Variants in SNTG1 observed in about 807,000 individuals in gnomAD.
SNTG1 encodes the protein gamma-1-syntrophin.
SNTG1 carries 39 observed loss-of-function variants against 74.7 expected under a neutral mutation model. The observed-to-expected ratio is 0.52, with a 90% CI of 0.40 to 0.68. SNTG1 has a LOEUF of 0.68. Ranked by LOEUF, SNTG1 falls within the 30% of genes least tolerant of loss-of-function variation. The pLI, the probability that SNTG1 is intolerant of heterozygous loss-of-function variation, is 0.00. For missense variants in SNTG1, 685 were observed against 609.5 expected (o/e 1.12, Z -1.30); for synonymous variants, 254 against 217.1 (o/e 1.17, Z -1.49).
rs190181479 is a variant in SNTG1, at chr8:50,490,156, C to T, written c.364-12622C>T. 9.9e-5 allele frequency among the ~76,000 whole-genome samples: 15 copies of T among 152,272 alleles called. No homozygotes were observed. In the East Asian group the frequency reaches 2.9e-3, roughly 29 times the overall value. ...TTTCTGTTTTGGTACTACTACTATG[C>T]TGTTTTGGTTACTGTAGCCTTGTAC... On this transcript the variant is annotated intron_variant, in intron 8 of 18. Transcript: ENST00000642720.
intron 1 of SNTG1, among the ~76,000 whole-genome samples, chr8:49,981,102 T>C (rs192454999): frequency 6.6e-6 from 1 of 152,144 alleles, no homozygotes; most frequent in African/African-American, 2.4e-5. Flanking sequence ...CTGATAAACA[T>C]TGAATTGAAT....
chr8:50,452,964 T>C (rs1310746633), intron 8 of SNTG1, among the ~76,000 whole-genome samples: 1 of 152,210 alleles, frequency 6.6e-6, no homozygotes, highest in Non-Finnish European at 1.5e-5. Context: ...CCACATTTCT[T>C]ATTCCAAATA....
chr8:49,918,516 CAG>C (rs1349908844), intron 1 of SNTG1, among the ~76,000 whole-genome samples: 3 of 152,124 alleles, frequency 2.0e-5, no homozygotes, highest in Non-Finnish European at 4.4e-5. Flanking sequence ...TGTGTAAAAA[CAG>C]ATAATTTCTT....
chr8:50,635,601 C>G (rs2095034064), intron 13 of SNTG1, among the ~76,000 whole-genome samples: 1 of 152,268 alleles, frequency 6.6e-6, no homozygotes, highest in African/African-American at 2.4e-5. Flanking sequence ...TGCTTCCAGG[C>G]AATTGCCGAT....
chr8:50,216,268 A>G (rs1563752990), intron 2 of SNTG1, among the ~76,000 whole-genome samples: 1 of 152,056 alleles, frequency 6.6e-6, no homozygotes, highest in East Asian at 1.9e-4. Flanking sequence ...TTTTAGTTTT[A>G]CCTTCCCTCT....
chr8:50,275,063 C>T (rs897735515), intron 2 of SNTG1, among the ~76,000 whole-genome samples: 5 of 151,938 alleles, frequency 3.3e-5, no homozygotes, highest in Non-Finnish European at 1.5e-5. Context: ...TTTGGCATTA[C>T]GGTAATGCTG....
intron 4 of SNTG1, among the ~76,000 whole-genome samples, chr8:50,419,284 A>C (rs758418569): frequency 1.2e-4 from 18 of 152,124 alleles, no homozygotes; most frequent in Non-Finnish European, 1.6e-4. Context: ...CACACACACA[A>C]AAGTGCCCTC....
At chr8:50,711,168 A>G (rs1376831667) in intron 17 of SNTG1, among the ~76,000 whole-genome samples, 1 of 152,228 alleles carries the variant, frequency 6.6e-6, no homozygotes, top group Non-Finnish European at 1.5e-5. Flanking sequence ...ATTTTTAAAT[A>G]TGATAAAAAG....
At chr8:50,702,782 G>A (rs1264829285) in intron 15 of SNTG1, among the ~76,000 whole-genome samples, 3 of 152,154 alleles carry the variant, frequency 2.0e-5, no homozygotes, top group Admixed American at 1.3e-4. Context: ...GCACAGCGAG[G>A]TTATACAGTA....
chr8:50,002,554 G>T (rs1246739487), intron 1 of SNTG1, among the ~76,000 whole-genome samples: 1 of 151,952 alleles, frequency 6.6e-6, no homozygotes, highest in Non-Finnish European at 1.5e-5. Flanking sequence ...ATTTTAGAAA[G>T]AAATATAAAA....
At chr8:50,284,144 C>A (rs1042681431) in intron 2 of SNTG1, among the ~76,000 whole-genome samples, 3 of 151,834 alleles carry the variant, frequency 2.0e-5, no homozygotes, top group Non-Finnish European at 4.4e-5. Context: ...GAATACTGAC[C>A]AGGAATTTTG....
chr8:50,602,235 A>G (rs940843466), intron 13 of SNTG1, among the ~76,000 whole-genome samples: 1 of 150,202 alleles, frequency 6.7e-6, no homozygotes, highest in Non-Finnish European at 1.5e-5. Flanking sequence ...ACATGATTTT[A>G]TCTGGTGGTA....
intron 2 of SNTG1, among the ~76,000 whole-genome samples, chr8:50,370,260 C>T (rs1707976843): frequency 6.6e-6 from 1 of 152,116 alleles, no homozygotes; most frequent in Non-Finnish European, 1.5e-5. Context: ...AGCCATAAGG[C>T]TGAGATTGTT....
chr8:50,068,069 A>T (rs976232378), intron 1 of SNTG1, among the ~76,000 whole-genome samples: 1 of 152,222 alleles, frequency 6.6e-6, no homozygotes, highest in Non-Finnish European at 1.5e-5. Flanking sequence ...AGGGTCTCCT[A>T]TGAAGAAAAG....
At chr8:50,786,778 C>T (rs751345372) in intron 18 of SNTG1, among the ~76,000 whole-genome samples, 3 of 151,914 alleles carry the variant, frequency 2.0e-5, no homozygotes, top group Non-Finnish European at 4.4e-5. Context: ...CTGGGAAAAC[C>T]GGTTATTGAA....
chr8:50,287,820 A>G (rs1469114263), intron 2 of SNTG1, among the ~76,000 whole-genome samples: 1 of 152,078 alleles, frequency 6.6e-6, no homozygotes, highest in Non-Finnish European at 1.5e-5. Flanking sequence ...AACATTCCAT[A>G]CCATGTTTTA....
At chr8:50,629,458 C>G (rs749434500) in intron 13 of SNTG1, among the ~76,000 whole-genome samples, 1 of 151,958 alleles carries the variant, frequency 6.6e-6, no homozygotes, top group Non-Finnish European at 1.5e-5. Flanking sequence ...TAGGATAATT[C>G]TCTGAAACAG....
intron 15 of SNTG1, among the ~76,000 whole-genome samples, chr8:50,702,829 T>C (rs1476407948): frequency 6.6e-6 from 1 of 152,204 alleles, no homozygotes; most frequent in Non-Finnish European, 1.5e-5. Context: ...CTGTATAGCA[T>C]ATGACTGTAT....
At chr8:50,289,935 A>G (rs879858093) in intron 2 of SNTG1, among the ~76,000 whole-genome samples, 5 of 152,264 alleles carry the variant, frequency 3.3e-5, no homozygotes, top group Admixed American at 6.5e-5. Flanking sequence ...GATTCCGCAG[A>G]ATGTCATCAC....
Sources: allele counts gnomAD v4.1 joint callset (sites outside exome capture counted in the v4.1 genomes callset), GRCh38; gene constraint gnomAD v4.1.1; transcripts MANE v1.5; gene names NCBI Gene and HGNC (gene_info 2026-07-23, HGNC 2026-07-21).